The following TRHDE variants were observed in gnomAD, a reference collection of about 807,000 sequenced individuals.
TRHDE encodes the protein thyrotropin-releasing hormone-degrading ectoenzyme.
In TRHDE, 72 loss-of-function variants were observed where a neutral mutation model predicts 125.7. That is an observed-to-expected ratio of 0.57 (90% CI 0.47 to 0.70). The LOEUF (loss-of-function observed/expected upper bound fraction) is 0.70, where lower values mean the gene tolerates loss of function less well. TRHDE is among the 30% of genes least tolerant of loss of function. The probability of loss-of-function intolerance (pLI) is 0.00; values close to 1 mark genes in which losing one functional copy is unlikely to be tolerated. For synonymous variants in TRHDE, 509 were observed against 509.1 expected (o/e 1.00, Z 0.00); for missense variants, 1,110 against 1,327.1 (o/e 0.84, Z 2.54).
chr12:72,095,576 C>G (rs1874895489), intron 1 of TRHDE, among the ~76,000 whole-genome samples: 1 of 152,128 alleles, frequency 6.6e-6, no homozygotes, highest in South Asian at 2.1e-4. Flanking sequence ...AACTCAGGTC[C>G]CCTCACTTTT....
intron 2 of TRHDE, among the ~76,000 whole-genome samples, chr12:72,190,993 C>T (rs1877326679): frequency 6.6e-6 from 1 of 152,122 alleles, no homozygotes; most frequent in South Asian, 2.1e-4. Flanking sequence ...TTCCCTGCTG[C>T]CATATTTCTG....
chr12:72,142,698 GCAGCAGAC>G (rs986000944), intron 2 of TRHDE, among the ~76,000 whole-genome samples: 2 of 152,118 alleles, frequency 1.3e-5, no homozygotes, highest in African/African-American at 2.4e-5. Flanking sequence ...CCAGGCTCCA[GCAGCAGAC>G]CAGCAGACTA....
At chr12:72,151,590 A>C (rs1876367102) in intron 2 of TRHDE, among the ~76,000 whole-genome samples, 1 of 151,774 alleles carries the variant, frequency 6.6e-6, no homozygotes. Context: ...TAAGGAAGGG[A>C]TCCAGTTTCA....
intron 2 of TRHDE, among the ~76,000 whole-genome samples, chr12:72,339,234 A>G (rs1474535973): frequency 6.6e-6 from 1 of 152,148 alleles, no homozygotes; most frequent in Non-Finnish European, 1.5e-5. Flanking sequence ...TTTAATTTCT[A>G]CTAATTATGT....
At chr12:72,612,716 T>A (rs1034648294) in intron 12 of TRHDE, among the ~76,000 whole-genome samples, 4 of 152,240 alleles carry the variant, frequency 2.6e-5, no homozygotes, top group African/African-American at 9.6e-5. Context: ...AAGTCCTCAA[T>A]ACATGATAGC....
rs1467369550 is a variant in TRHDE, at chr12:72,389,498, T to G, written c.1315+11377T>G. Among the ~76,000 whole-genome samples, 5 of 152,154 alleles carry G rather than the reference T, an allele frequency of 3.3e-5. No individual in the cohort carries two copies. In the East Asian group the frequency reaches 9.6e-4, roughly 29 times the overall value. On this transcript the variant is annotated intron_variant, in intron 3 of 18. Transcript: ENST00000261180. ...GGGTGACTAAACAACAGAAGTATAT[T>G]TTCTCATGGTTCTGGAGGCTAGACT...
exon 1 of TRHDE, chr12:72,087,274 A>C (rs1464430856): frequency 6.6e-6 from 1 of 152,176 alleles, no homozygotes; most frequent in African/African-American, 2.4e-5. Flanking sequence ...ACAGAAGAGA[A>C]GGCATTCCTG....
intron 3 of TRHDE, among the ~76,000 whole-genome samples, chr12:72,410,868 G>GAC (rs1241251704): frequency 1.5e-5 from 2 of 133,782 alleles, no homozygotes; most frequent in African/African-American, 5.8e-5. Context: ...AAGATAAGCA[G>GAC]ATAAAAAAAA....
intron 3 of TRHDE, among the ~76,000 whole-genome samples, chr12:72,435,123 T>G (rs1410285729): frequency 6.6e-6 from 1 of 152,218 alleles, no homozygotes; most frequent in Non-Finnish European, 1.5e-5. Flanking sequence ...TTGTCATTCT[T>G]CAAGAGGAGC....
Position 72,621,655 on chromosome 12 carries a change from G to T in TRHDE, c.2579G>T (p.Arg860Ile). 6.2e-7 allele frequency: 1 copy of T among 1,605,854 alleles called. No individual in the cohort carries two copies. Among genetic ancestry groups the T allele is most frequent in the South Asian group, 1.1e-5 (1 of 89,834 alleles). ...TTGATGATATCTAGAGAACTACGTA[G>T]AGAAGTTATAATGCTGGCCTGCAGT... The part of the protein sequence containing the change: ...QASYQHEELR[R>I]EVIMLACSFG... Residue 860 changes from arginine to isoleucine, a missense_variant, in exon 15 of 19, where the codon AGA becomes ATA. Coordinates refer to ENST00000261180, the MANE Select transcript of TRHDE (RefSeq NM_013381.3).
chr12:72,639,516 T>C (rs1414364217), intron 15 of TRHDE, among the ~76,000 whole-genome samples: 1 of 152,264 alleles, frequency 6.6e-6, no homozygotes, highest in African/African-American at 2.4e-5. Context: ...AAAGTCATTC[T>C]CCGTCCAGCT....
chr12:72,260,367 AG>A (rs1878921672), intron 2 of TRHDE, among the ~76,000 whole-genome samples: 1 of 151,460 alleles, frequency 6.6e-6, no homozygotes, highest in South Asian at 2.1e-4. Context: ...TTTTTTTGGT[AG>A]GTAATCCTCT....
At chr12:72,620,357 AAAAAG>A (rs1872999459) in intron 13 of TRHDE, among the ~76,000 whole-genome samples, 1 of 150,870 alleles carries the variant, frequency 6.6e-6, no homozygotes, top group Non-Finnish European at 1.5e-5. Context: ...AAAAAAAAAA[AAAAAG>A]AAATACAAAA....
chr12:72,340,994 C>T (rs1415601430), intron 2 of TRHDE, among the ~76,000 whole-genome samples: 2 of 151,996 alleles, frequency 1.3e-5, no homozygotes, highest in African/African-American at 4.8e-5. Flanking sequence ...TGGTATTTGC[C>T]CATTTCTTCC....
At chr12:72,366,578 G>A (rs1377425898) in intron 2 of TRHDE, among the ~76,000 whole-genome samples, 1 of 151,970 alleles carries the variant, frequency 6.6e-6, no homozygotes, top group Non-Finnish European at 1.5e-5. Context: ...GACACAGTAA[G>A]GAGTGAAAAG....
At chr12:72,436,580 A>G (rs1874755811) in intron 3 of TRHDE, among the ~76,000 whole-genome samples, 1 of 151,874 alleles carries the variant, frequency 6.6e-6, no homozygotes, top group Non-Finnish European at 1.5e-5. Context: ...GGGTTCTTAT[A>G]AGGTCAGGCC....
chr12:72,217,027 T>G (rs1470449312), intron 2 of TRHDE, among the ~76,000 whole-genome samples: 2 of 152,040 alleles, frequency 1.3e-5, no homozygotes, highest in African/African-American at 2.4e-5. Context: ...CAATTATAGT[T>G]GTCTGATTTT....
intron 5 of TRHDE, among the ~76,000 whole-genome samples, chr12:72,499,207 C>T (rs1221581896): frequency 6.6e-6 from 1 of 151,998 alleles, no homozygotes; most frequent in Non-Finnish European, 1.5e-5. Flanking sequence ...TATTGCCTGC[C>T]CATTGTCCAC....
intron 15 of TRHDE, among the ~76,000 whole-genome samples, chr12:72,642,713 C>T (rs1298484155): frequency 6.6e-6 from 1 of 152,076 alleles, no homozygotes; most frequent in Non-Finnish European, 1.5e-5. Flanking sequence ...AGAGAAATGA[C>T]TGTGGGAATA....
Sources: allele counts gnomAD v4.1 joint callset (sites outside exome capture counted in the v4.1 genomes callset), GRCh38; gene constraint gnomAD v4.1.1; transcripts MANE v1.5; gene names NCBI Gene and HGNC (gene_info 2026-07-23, HGNC 2026-07-21).